Variants in PDE8B observed in about 807,000 individuals in gnomAD.
The protein encoded by PDE8B is phosphodiesterase 8B.
PDE8B carries 26 observed loss-of-function variants against 101.3 expected under a neutral mutation model. That is an observed-to-expected ratio of 0.26 (90% CI 0.19 to 0.36). PDE8B has a LOEUF of 0.36. Ranked by LOEUF, PDE8B falls within the 10% of genes least tolerant of loss-of-function variation. PDE8B has a pLI of 1.00. For synonymous variants in PDE8B, 424 were observed against 429.3 expected (o/e 0.99, Z 0.15); for missense variants, 810 against 1,163.1 (o/e 0.70, Z 4.42).
chr5:77,131,682 A>G, the PDE8B span, among the ~76,000 whole-genome samples: 1 of 152,224 alleles, frequency 6.6e-6, no homozygotes, highest in Non-Finnish European at 1.5e-5. Context: ...TATGATATGA[A>G]TTGGGTACAA....
At chr5:77,187,256 G>A in the PDE8B span, among the ~76,000 whole-genome samples, 2 of 152,180 alleles carry the variant, frequency 1.3e-5, no homozygotes, top group African/African-American at 4.8e-5. Context: ...ATTTGATATT[G>A]ATGAGGCAAA....
At chr5:77,117,888 A>G in the PDE8B span, among the ~76,000 whole-genome samples, 51 of 152,252 alleles carry the variant, frequency 3.3e-4, no homozygotes, top group Middle Eastern at 3.4e-3. Context: ...TGTGAATTCA[A>G]TGCATCTTTT....
the PDE8B span, among the ~76,000 whole-genome samples, chr5:77,181,754 A>G: frequency 6.6e-6 from 1 of 152,244 alleles, no homozygotes; most frequent in South Asian, 2.1e-4. Context: ...GATAGTTACA[A>G]GTGCTTCTGT....
chr5:77,425,420 A>G (rs1057035253), intron 20 of PDE8B, among the ~76,000 whole-genome samples: 35 of 152,220 alleles, frequency 2.3e-4, no homozygotes, highest in African/African-American at 8.2e-4. Context: ...GGACGTGGTG[A>G]CAGGTGCCTG....
the PDE8B span, among the ~76,000 whole-genome samples, chr5:77,128,285 C>T: frequency 3.3e-5 from 5 of 152,146 alleles, no homozygotes; most frequent in African/African-American, 9.7e-5. Context: ...ATGAGAAAAA[C>T]GTTCTTCTCT....
intron 11 of PDE8B, among the ~76,000 whole-genome samples, chr5:77,402,092 C>T (rs1162181205): frequency 6.6e-6 from 1 of 152,080 alleles, no homozygotes; most frequent in Non-Finnish European, 1.5e-5. Flanking sequence ...TAACTTATTA[C>T]TTGGTACACA....
intron 10 of PDE8B, among the ~76,000 whole-genome samples, chr5:77,373,859 G>GT (rs1422523310): frequency 2.0e-5 from 3 of 151,466 alleles, no homozygotes; most frequent in African/African-American, 7.3e-5. Context: ...CTATTTTTTC[G>GT]TTTTTTTGAG....
Position 77,407,373 on chromosome 5 carries a change from C to G in PDE8B, c.1289-8C>G. 6.2e-7 allele frequency: 1 copy of G among 1,613,194 alleles called. No individual in the cohort carries two copies. Among genetic ancestry groups the G allele is most frequent in the Non-Finnish European group, 8.5e-7 (1 of 1,179,138 alleles). ...GAACTGGACACAGCTTTCTTGCCTT[C>G]TCTCCAGCACCAAGCCTGCAGAATC... is the stretch of plus-strand genomic sequence containing the variant. On this transcript the variant is annotated splice_region_variant and splice_polypyrimidine_tract_variant and intron_variant, in intron 12 of 21. Coordinates refer to ENST00000264917, the MANE Select transcript of PDE8B (RefSeq NM_003719.5).
chr5:77,385,320 C>A (rs776014557), intron 10 of PDE8B, among the ~76,000 whole-genome samples: 3 of 151,916 alleles, frequency 2.0e-5, no homozygotes, highest in Non-Finnish European at 4.4e-5. Flanking sequence ...CATGGTGATA[C>A]CCCTTTATGA....
intron 1 of PDE8B, among the ~76,000 whole-genome samples, chr5:77,237,648 TA>T (rs981442605): frequency 3.0e-4 from 46 of 152,298 alleles, no homozygotes; most frequent in South Asian, 1.7e-3. Context: ...AAGAGAAGAA[TA>T]ATCTACTATA....
the PDE8B span, among the ~76,000 whole-genome samples, chr5:77,173,130 G>A: frequency 6.6e-6 from 1 of 152,148 alleles, no homozygotes; most frequent in Non-Finnish European, 1.5e-5. Flanking sequence ...GAGAACAAGA[G>A]GTCAGAAGAG....
At chr5:77,123,481 G>T in the PDE8B span, among the ~76,000 whole-genome samples, 2 of 152,080 alleles carry the variant, frequency 1.3e-5, no homozygotes, top group Non-Finnish European at 2.9e-5. Flanking sequence ...TCTTTGGCTG[G>T]GTGCAGTGGC....
chr5:77,305,324 A>G (rs1770945124), intron 1 of PDE8B, among the ~76,000 whole-genome samples: 1 of 152,212 alleles, frequency 6.6e-6, no homozygotes, highest in Admixed American at 6.5e-5. Context: ...AGGGAAGCTC[A>G]TGGGCTGCCC....
the PDE8B span, among the ~76,000 whole-genome samples, chr5:77,117,534 G>A: frequency 6.6e-6 from 1 of 152,196 alleles, no homozygotes; most frequent in Non-Finnish European, 1.5e-5. Flanking sequence ...GGGGGACAGG[G>A]TAAGGAGTGG....
chr5:77,323,561 C>T (rs1398445143), intron 2 of PDE8B, among the ~76,000 whole-genome samples: 4 of 152,160 alleles, frequency 2.6e-5, no homozygotes, highest in African/African-American at 9.7e-5. Flanking sequence ...GAGATGAACT[C>T]ACATTGGCTA....
intron 10 of PDE8B, among the ~76,000 whole-genome samples, chr5:77,385,346 A>G (rs551547026): frequency 2.5e-4 from 38 of 151,560 alleles, no homozygotes; most frequent in African/African-American, 9.2e-4. Context: ...TATTGCATCT[A>G]TTTGATTCTT....
At chr5:77,229,187 T>A (rs1054208561) in intron 1 of PDE8B, among the ~76,000 whole-genome samples, 1 of 152,230 alleles carries the variant, frequency 6.6e-6, no homozygotes, top group African/African-American at 2.4e-5. Flanking sequence ...CTGTGTAAAT[T>A]TTCTTTCTAG....
chr5:77,243,079 A>T (rs902235593), intron 1 of PDE8B, among the ~76,000 whole-genome samples: 1 of 152,198 alleles, frequency 6.6e-6, no homozygotes, highest in African/African-American at 2.4e-5. Context: ...TCTATTTTTT[A>T]AAAGTGGTCT....
chr5:77,341,337 G>A (rs1232640073), intron 6 of PDE8B, among the ~76,000 whole-genome samples: 1 of 152,068 alleles, frequency 6.6e-6, no homozygotes, highest in Non-Finnish European at 1.5e-5. Context: ...CATTTACTTT[G>A]TCTTATGGGG....
Sources: gnomAD v4.1 joint callset for allele counts (sites outside exome capture counted in the v4.1 genomes callset) on GRCh38, gnomAD v4.1.1 for gene constraint, MANE v1.5 for transcripts, NCBI Gene and HGNC (gene_info 2026-07-23, HGNC 2026-07-21) for gene names.